GOLGB1: variants seen among roughly 807,000 people sequenced by gnomAD.
GOLGB1 encodes the protein golgin subfamily B member 1.
Under a neutral mutation model 336.9 loss-of-function variants are expected in GOLGB1, and 174 were observed. The observed-to-expected ratio is 0.52, with a 90% CI of 0.46 to 0.59. The LOEUF is 0.59. Among genes scored for constraint, GOLGB1 ranks in the 20% least tolerant of loss-of-function variants. The pLI is 0.00. For synonymous variants in GOLGB1, 1,208 were observed against 1,289.2 expected (o/e 0.94, Z 1.35); for missense variants, 3,331 against 3,645.3 (o/e 0.91, Z 2.22).
chr3:121,688,359 T>C (rs1941995633), intron 14 of GOLGB1, among the ~76,000 whole-genome samples: 1 of 152,242 alleles, frequency 6.6e-6, no homozygotes, highest in African/African-American at 2.4e-5. Context: ...CTGGTTTTCG[T>C]ATTTTTTGGA....
chr3:121,715,953 T>C (rs934469191), intron 9 of GOLGB1, among the ~76,000 whole-genome samples: 1 of 150,804 alleles, frequency 6.6e-6, no homozygotes. Flanking sequence ...GATCATGCCA[T>C]TGCACTCCAT....
rs767848441 is a variant in GOLGB1, at chr3:121,697,320, T to C, written c.3203A>G (p.Lys1068Arg). ...CACTTCTTTCTCAGATATTGTCTGT[T>C]TTAAATAAATTTCTATTTCTTGGCA... ...SKCQEIEIYL[K>R]QTISEKEVEL... is the part of the protein sequence containing the mutation. The change falls in exon 13 of 22, where the codon AAA (lysine) becomes AGA (arginine). Residue 1068 changes from lysine (K) to arginine (R), a missense_variant. Physicochemically the swap from Lys to Arg is conservative, Grantham distance 26. Coordinates refer to ENST00000614479, the MANE Select transcript of GOLGB1 (RefSeq NM_001366282.2). 6.2e-7 allele frequency: 1 copy of C among 1,613,628 alleles called. No individual in the cohort carries two copies. The highest frequency in any genetic ancestry group is 8.5e-7 in the Non-Finnish European group (1 of 1,179,728).
chr3:121,719,562 CA>C (rs1945026939), intron 7 of GOLGB1, 83 bp downstream of exon 7: 1 of 999,738 alleles, frequency 1.0e-6, no homozygotes, highest in African/African-American at 1.7e-5. Flanking sequence ...AAGTGAAGAG[CA>C]GTGGGTAAGG....
At chr3:121,707,376 C>T (rs1943971128) in intron 10 of GOLGB1, among the ~76,000 whole-genome samples, 1 of 151,754 alleles carries the variant, frequency 6.6e-6, no homozygotes, top group Non-Finnish European at 1.5e-5. Context: ...AATCCCAGCA[C>T]TCTGGGAGGC....
At chr3:121,689,967 C>G (rs1942260209) in intron 14 of GOLGB1, among the ~76,000 whole-genome samples, 1 of 152,136 alleles carries the variant, frequency 6.6e-6, no homozygotes, top group South Asian at 2.1e-4. Flanking sequence ...CAGTTTTGCC[C>G]CTGAATCTTG....
At position 121,691,299 on chromosome 3, in the gene GOLGB1, A is replaced by T. The variant is rs2107780525; in HGVS notation, c.8065T>A (p.Leu2689Ile). The change falls in exon 14 of 22, where the codon TTA (leucine) becomes ATA (isoleucine). Residue 2689 changes from leucine to isoleucine, a missense_variant. Physicochemically the swap from Leu to Ile is conservative, Grantham distance 5. Transcript: ENST00000614479. ...CCTGCATCATGATGAAGATGCTTTA[A>T]TTCTTTCTTCAGTTTATCTTCAATT... ...GEIEDKLKKE[L>I]KHLHHDAGIM... The T allele has an allele frequency of 2.5e-6, 4 of 1,613,224 alleles. No individual in the cohort carries two copies. Among genetic ancestry groups the T allele is most frequent in the Non-Finnish European group, 3.4e-6 (4 of 1,179,824 alleles).
chr3:121,712,384 A>C (rs1944424657), intron 10 of GOLGB1, among the ~76,000 whole-genome samples: 1 of 152,156 alleles, frequency 6.6e-6, no homozygotes, highest in South Asian at 2.1e-4. Flanking sequence ...ATATCTTCAT[A>C]AACTGGGGCT....
At chr3:121,701,822 G>A (rs1415860036) in intron 11 of GOLGB1, among the ~76,000 whole-genome samples, 1 of 152,084 alleles carries the variant, frequency 6.6e-6, no homozygotes, top group Non-Finnish European at 1.5e-5. Context: ...AAACTTTGAA[G>A]AGCTTATAAT....
intron 19 of GOLGB1, 22 bp from the exon 20 acceptor site, chr3:121,667,632 A>G: frequency 1.2e-6 from 2 of 1,611,318 alleles, no homozygotes; most frequent in Non-Finnish European, 1.7e-6. Flanking sequence ...GAGGAAAACA[A>G]AAAGCATCAT....
At chr3:121,737,583 G>A (rs1946565518) in intron 1 of GOLGB1, among the ~76,000 whole-genome samples, 1 of 151,804 alleles carries the variant, frequency 6.6e-6, no homozygotes, top group Non-Finnish European at 1.5e-5. Context: ...CCTGAGAGGT[G>A]GAGGTTGCAG....
chr3:121,664,953 T>A lies in GOLGB1; in HGVS notation c.9633A>T (p.Ile3211=). Residue 3211 remains isoleucine (I), a synonymous_variant, in exon 21 of 22, where the codon ATA becomes ATT. Transcript: ENST00000614479. The part of the protein sequence containing the change: ...SCGTQEQALL[I]DLTSNSCRRT... ...TTCGACAACTGTTGCTTGTAAGATC[T>A]ATTAACAGTGCCTGCTCCTGAGTGC... The A allele has an allele frequency of 6.2e-7, 1 of 1,604,138 alleles. No homozygotes were observed. The highest frequency in any genetic ancestry group is 8.5e-7 in the Non-Finnish European group (1 of 1,170,902).
At chr3:121,731,404 C>T (rs925226879) in intron 1 of GOLGB1, among the ~76,000 whole-genome samples, 3 of 150,938 alleles carry the variant, frequency 2.0e-5, no homozygotes, top group Admixed American at 6.6e-5. Context: ...TGCTCTGTCA[C>T]GCAGGCTGGA....
intron 10 of GOLGB1, among the ~76,000 whole-genome samples, chr3:121,713,140 C>T (rs565938657): frequency 1.3e-5 from 2 of 152,068 alleles, no homozygotes; most frequent in South Asian, 2.1e-4. Flanking sequence ...CCAGCATGGG[C>T]GACAGACCAA....
chr3:121,745,174 CT>C (rs1017130095), intron 1 of GOLGB1, among the ~76,000 whole-genome samples: 1 of 151,934 alleles, frequency 6.6e-6, no homozygotes, highest in African/African-American at 2.4e-5. Flanking sequence ...GGGTACTCCC[CT>C]CTATTAGGCT....
intron 14 of GOLGB1, among the ~76,000 whole-genome samples, chr3:121,689,080 C>T (rs1179893486): frequency 4.6e-5 from 7 of 150,826 alleles, no homozygotes; most frequent in South Asian, 2.1e-4. Context: ...GTCAGCCCCC[C>T]GCCCGGCCAG....
At chr3:121,739,603 T>G (rs925917789) in intron 1 of GOLGB1, among the ~76,000 whole-genome samples, 2 of 151,632 alleles carry the variant, frequency 1.3e-5, no homozygotes, top group Non-Finnish European at 2.9e-5. Flanking sequence ...ACAAACCATG[T>G]CATTAAAAAA....
intron 10 of GOLGB1, among the ~76,000 whole-genome samples, chr3:121,705,393 A>C (rs1943728331): frequency 6.6e-6 from 1 of 152,208 alleles, no homozygotes; most frequent in African/African-American, 2.4e-5. Context: ...AACAACCAAA[A>C]CCAGACAAAA....
chr3:121,672,698 C>T (rs1418434897), intron 17 of GOLGB1, among the ~76,000 whole-genome samples: 1 of 152,202 alleles, frequency 6.6e-6, no homozygotes, highest in African/African-American at 2.4e-5. Flanking sequence ...ACAAAAAAAG[C>T]CTTGGCTAGA....
intron 5 of GOLGB1, among the ~76,000 whole-genome samples, chr3:121,724,263 C>T (rs1945395752): frequency 1.3e-5 from 2 of 152,102 alleles, no homozygotes; most frequent in South Asian, 2.1e-4. Flanking sequence ...ATTGGTTAAG[C>T]GGTTGTGACC....
Sources: gnomAD v4.1 joint callset for allele counts (sites outside exome capture counted in the v4.1 genomes callset) on GRCh38, gnomAD v4.1.1 for gene constraint, MANE v1.5 for transcripts, NCBI Gene and HGNC (gene_info 2026-07-23, HGNC 2026-07-21) for gene names.